The following PRKN variants were observed in gnomAD, a reference collection of about 807,000 sequenced individuals.
The protein encoded by PRKN is E3 ubiquitin-protein ligase parkin.
PRKN carries 56 observed loss-of-function variants against 59.5 expected under a neutral mutation model. The observed-to-expected ratio is 0.94, with a 90% confidence interval of 0.76 to 1.18. The LOEUF (loss-of-function observed/expected upper bound fraction) is 1.18. PRKN is among the 50% of genes most tolerant of loss of function. The probability of loss-of-function intolerance (pLI) is 0.00; values close to 1 mark genes in which losing one functional copy is unlikely to be tolerated. For missense variants in PRKN, 657 were observed against 596.4 expected, an observed-to-expected ratio of 1.10 and a Z score of -1.06; for synonymous variants, 250 against 222.1, an observed-to-expected ratio of 1.13 and a Z score of -1.12.
chr6:161,782,162 T>G (rs1790233782), intron 7 of PRKN, among the ~76,000 whole-genome samples: 1 of 152,172 alleles, frequency 6.6e-6, no homozygotes, highest in South Asian at 2.1e-4. Flanking sequence ...GAAAACTTAG[T>G]GTTTGCCAGT....
intron 1 of PRKN, among the ~76,000 whole-genome samples, chr6:162,542,850 G>C (rs955519200): frequency 6.6e-6 from 1 of 152,154 alleles, no homozygotes; most frequent in African/African-American, 2.4e-5. Flanking sequence ...AGAGGGTAGA[G>C]GGTCATCTCG....
chr6:161,625,736 C>G (rs1783061689), intron 7 of PRKN, among the ~76,000 whole-genome samples: 1 of 152,114 alleles, frequency 6.6e-6, no homozygotes, highest in Non-Finnish European at 1.5e-5. Context: ...ATCATGTGCA[C>G]AAATTGCCAG....
chr6:162,542,990 TTC>T (rs1475861600), intron 1 of PRKN, among the ~76,000 whole-genome samples: 1 of 152,128 alleles, frequency 6.6e-6, no homozygotes, highest in Non-Finnish European at 1.5e-5. Flanking sequence ...CCAGGACTGC[TTC>T]TCTGAGGCAA....
At chr6:162,664,752 T>C (rs10806761) in intron 1 of PRKN, among the ~76,000 whole-genome samples, 67,213 of 151,840 alleles carry the variant, frequency 0.44, 15,316 homozygotes, top group East Asian at 0.66. Flanking sequence ...CTTGTAAATA[T>C]GTTTAAGTTC....
intron 1 of PRKN, among the ~76,000 whole-genome samples, chr6:162,667,971 T>G (rs531763974): frequency 6.6e-6 from 1 of 152,312 alleles, no homozygotes; most frequent in South Asian, 2.1e-4. Flanking sequence ...GCACAATTAC[T>G]TATTTTCAAA....
At chr6:161,523,617 C>T (rs964232320) in intron 9 of PRKN, among the ~76,000 whole-genome samples, 10 of 152,308 alleles carry the variant, frequency 6.6e-5, no homozygotes, top group African/African-American at 2.2e-4. Flanking sequence ...GCTCATAAGG[C>T]TATCATTATT....
At chr6:161,841,391 C>T (rs1166683333) in intron 6 of PRKN, among the ~76,000 whole-genome samples, 2 of 151,572 alleles carry the variant, frequency 1.3e-5, no homozygotes, top group African/African-American at 4.8e-5. Flanking sequence ...ACTCTGTTGC[C>T]CAGGCTGGAG....
chr6:162,211,876 A>C (rs1457256966), intron 3 of PRKN, among the ~76,000 whole-genome samples: 3 of 152,216 alleles, frequency 2.0e-5, no homozygotes, highest in Admixed American at 2.0e-4. Flanking sequence ...TAAAATCTCT[A>C]CTACCTCTTA....
chr6:161,421,465 T>A (rs767301848), intron 9 of PRKN, among the ~76,000 whole-genome samples: 45 of 152,180 alleles, frequency 3.0e-4, no homozygotes, highest in Non-Finnish European at 5.7e-4. Context: ...AAATCACATT[T>A]GATCTTCACT....
chr6:161,995,103 T>C (rs1781793348), intron 5 of PRKN, among the ~76,000 whole-genome samples: 1 of 151,954 alleles, frequency 6.6e-6, no homozygotes, highest in African/African-American at 2.4e-5. Flanking sequence ...CATAGAGCAA[T>C]GGAACAAAAT....
chr6:162,192,855 T>C (rs1784341765), intron 4 of PRKN, among the ~76,000 whole-genome samples: 1 of 152,098 alleles, frequency 6.6e-6, no homozygotes, highest in Non-Finnish European at 1.5e-5. Flanking sequence ...ACAAAAACAC[T>C]GAGACACTCT....
intron 7 of PRKN, among the ~76,000 whole-genome samples, chr6:161,643,910 A>C (rs1412583413): frequency 2.6e-5 from 4 of 152,194 alleles, no homozygotes; most frequent in Admixed American, 2.6e-4. Flanking sequence ...CATTGATTGA[A>C]TGTCTGTTAT....
Position 161,885,682 on chromosome 6 carries a change from AAG to A in PRKN, c.734+87618_734+87619del, listed in dbSNP as rs1281568284. The stretch of plus-strand genomic sequence containing the variant: ...TCTGTCTCAAAAAAAAAAAAAAAAA[AAG>A]AATGTCTGAGCCCTCCTGTAGAACA... On this transcript the variant is annotated intron_variant, in intron 6 of 11. Transcript: ENST00000366898. Among the ~76,000 whole-genome samples the A allele has an allele frequency of 1.0e-3, 120 of 116,300 alleles. 4 individuals are homozygous for A. Among genetic ancestry groups the A allele is most frequent in the African/African-American group, 3.7e-3 (114 of 30,852 alleles). The allele number at this position is 116,300 out of a possible 152,430, so 76.3% of individuals were successfully genotyped here.
At chr6:162,526,206 G>C (rs1778275503) in intron 1 of PRKN, among the ~76,000 whole-genome samples, 1 of 144,018 alleles carries the variant, frequency 6.9e-6, no homozygotes, top group Non-Finnish European at 1.5e-5. Flanking sequence ...TCGGAGTCAA[G>C]GTAAAAATAA....
intron 4 of PRKN, among the ~76,000 whole-genome samples, chr6:162,076,770 C>G (rs1778847650): frequency 6.6e-6 from 1 of 152,056 alleles, no homozygotes; most frequent in Non-Finnish European, 1.5e-5. Flanking sequence ...CTTAATAAAC[C>G]AACTTTTCTT....
At chr6:162,507,209 A>C (rs1793649957) in intron 1 of PRKN, among the ~76,000 whole-genome samples, 1 of 152,160 alleles carries the variant, frequency 6.6e-6, no homozygotes, top group African/African-American at 2.4e-5. Context: ...AGACAGTAGC[A>C]GTAACTATTC....
At chr6:161,822,365 A>G (rs1036712905) in intron 6 of PRKN, among the ~76,000 whole-genome samples, 42 of 152,222 alleles carry the variant, frequency 2.8e-4, no homozygotes, top group African/African-American at 9.6e-4. Flanking sequence ...TGAGGCATGC[A>G]TCTTGGACGA....
chr6:162,637,821 A>G (rs1777789528), intron 1 of PRKN, among the ~76,000 whole-genome samples: 1 of 152,192 alleles, frequency 6.6e-6, no homozygotes, highest in South Asian at 2.1e-4. Flanking sequence ...CAAATTACTT[A>G]TTCCTAAATT....
chr6:161,947,668 T>G (rs1190127317), intron 6 of PRKN, among the ~76,000 whole-genome samples: 1 of 152,216 alleles, frequency 6.6e-6, no homozygotes, highest in Non-Finnish European at 1.5e-5. Flanking sequence ...GAAAGTTCCT[T>G]TCAGTGAAAC....
Sources: gnomAD v4.1 joint callset for allele counts (sites outside exome capture counted in the v4.1 genomes callset) on GRCh38, gnomAD v4.1.1 for gene constraint, MANE v1.5 for transcripts, NCBI Gene and HGNC (gene_info 2026-07-23, HGNC 2026-07-21) for gene names.